PPFIBP2: variants seen among roughly 807,000 people sequenced by gnomAD.
The protein encoded by PPFIBP2 is PPFIB scaffold protein 2, also known as liprin-beta-2.
In PPFIBP2, 118 loss-of-function variants were observed where a neutral mutation model predicts 118.3. That is an observed-to-expected ratio of 1.00 (90% CI 0.86 to 1.16). The LOEUF is 1.16. Ranked by LOEUF, PPFIBP2 falls within the 50% of genes most tolerant of loss-of-function variation. The pLI, the probability that PPFIBP2 is intolerant of heterozygous loss-of-function variation, is 0.00. For missense variants in PPFIBP2, 1,195 were observed against 1,073.1 expected (o/e 1.11, Z -1.59); for synonymous variants, 414 against 397.4 (o/e 1.04, Z -0.50).
chr11:7,553,614 T>C (rs1391048664), intron 2 of PPFIBP2, among the ~76,000 whole-genome samples: 3 of 152,238 alleles, frequency 2.0e-5, no homozygotes, highest in African/African-American at 7.2e-5. Context: ...GACAAATTGC[T>C]TAATTCTTCT....
chr11:7,622,184 G>A lies in PPFIBP2; in HGVS notation c.711+1157G>A, dbSNP rs567638624. Among the ~76,000 whole-genome samples, 47 of 152,312 alleles carry A rather than the reference G, an allele frequency of 3.1e-4. 2 individuals carry two copies. In the South Asian group the frequency reaches 7.9e-3, roughly 25 times the overall value. On this transcript the variant is annotated intron_variant, in intron 7 of 23. Coordinates refer to ENST00000299492, the MANE Select transcript of PPFIBP2 (RefSeq NM_003621.5). ...AAGCCTCAGGGAGTTTTCAATCATG[G>A]CAGAAGGAAAAAGCAGGAGCAAGTG...
Position 7,616,247 on chromosome 11 carries a change from T to C in PPFIBP2, c.619-4688T>C, listed in dbSNP as rs924732577. ...AGATACAAAAAATTTAGGACAATAG[T>C]CCCCCAAAGTGCTTGCTATAAGTTA... is the stretch of plus-strand genomic sequence containing the variant. On this transcript the variant is annotated intron_variant, in intron 6 of 23. Coordinates refer to ENST00000299492, the MANE Select transcript of PPFIBP2 (RefSeq NM_003621.5). This position sits in a 1 kb window ranked among gnomAD's most constrained non-coding sequence, Gnocchi z 5.2. 2.6e-5 allele frequency among the ~76,000 whole-genome samples: 4 copies of C among 152,048 alleles called. No individual in the cohort carries two copies. The highest frequency in any genetic ancestry group is 7.2e-5 in the African/African-American group (3 of 41,474).
At chr11:7,620,809 G>C in intron 6 of PPFIBP2, 126 bp from the exon 7 acceptor site, 3 of 709,328 alleles carry the variant, frequency 4.2e-6, no homozygotes, top group Non-Finnish European at 7.6e-6. Context: ...CGTGTTTAAA[G>C]ATTAAAGCTG....
intron 3 of PPFIBP2, among the ~76,000 whole-genome samples, chr11:7,588,185 G>A (rs967434381): frequency 9.2e-5 from 14 of 152,154 alleles, no homozygotes; most frequent in African/African-American, 3.4e-4. Flanking sequence ...GTGACCAAGG[G>A]GAGGGATGGG....
intron 6 of PPFIBP2, among the ~76,000 whole-genome samples, chr11:7,620,480 A>G (rs1384574999): frequency 6.6e-6 from 1 of 152,148 alleles, no homozygotes; most frequent in African/African-American, 2.4e-5. Context: ...GAGGCCTTTC[A>G]GGATCACAGG....
At chr11:7,560,360 T>C (rs1367053425) in intron 2 of PPFIBP2, among the ~76,000 whole-genome samples, 1 of 152,240 alleles carries the variant, frequency 6.6e-6, no homozygotes, top group African/African-American at 2.4e-5. Context: ...CAAATTGTTA[T>C]AAAAGTAATG....
At chr11:7,584,283 A>G (rs1025310693) in intron 3 of PPFIBP2, among the ~76,000 whole-genome samples, 3 of 152,190 alleles carry the variant, frequency 2.0e-5, no homozygotes, top group African/African-American at 7.2e-5. Context: ...TTTGCTGTTT[A>G]TGAACTCTGC....
intron 2 of PPFIBP2, among the ~76,000 whole-genome samples, chr11:7,564,990 C>T (rs899537850): frequency 6.6e-6 from 1 of 151,296 alleles, no homozygotes; most frequent in Non-Finnish European, 1.5e-5. Context: ...TCTCTGGTGG[C>T]CAACTGTGTA....
rs139187268 is a variant in PPFIBP2 at position 7,565,772 on chromosome 11, G to A, written c.279+5G>A. 125 of 1,613,802 alleles carry A rather than the reference G, an allele frequency of 7.7e-5. No individual in the cohort carries two copies. The East Asian group carries it at 2.6e-3, about 33-fold the overall frequency. On this transcript the variant is annotated splice_donor_5th_base_variant and intron_variant, in intron 3 of 23. Coordinates refer to ENST00000299492, the MANE Select transcript of PPFIBP2 (RefSeq NM_003621.5). The stretch of plus-strand genomic sequence containing the variant: ...GAATGGTTTGAAGAGAGCTTGGTGA[G>A]TAGTCCCGTGGCCTGATTGGGAACC...
chr11:7,631,151 A>G (rs1030563544), intron 11 of PPFIBP2, 123 bp downstream of exon 11: 4 of 742,082 alleles, frequency 5.4e-6, no homozygotes, highest in Non-Finnish European at 7.0e-6. Flanking sequence ...ACTTAAATTA[A>G]TATAGTGCCC....
intron 3 of PPFIBP2, among the ~76,000 whole-genome samples, chr11:7,589,026 A>T (rs371599023): frequency 1.3e-5 from 2 of 152,348 alleles, no homozygotes; most frequent in African/African-American, 4.8e-5. Flanking sequence ...GACCATTTGA[A>T]TGAATGGTCT....
intron 4 of PPFIBP2, among the ~76,000 whole-genome samples, chr11:7,596,069 C>G (rs1223688928): frequency 1.3e-5 from 2 of 152,142 alleles, no homozygotes; most frequent in African/African-American, 2.4e-5. Flanking sequence ...CGTTGAGGTT[C>G]AGAAAGCCCC....
intron 1 of PPFIBP2, among the ~76,000 whole-genome samples, chr11:7,542,952 G>T (rs966359600): frequency 6.6e-6 from 1 of 152,194 alleles, no homozygotes; most frequent in African/African-American, 2.4e-5. Flanking sequence ...GACAATTGAG[G>T]CTAAAAGAGG....
intron 3 of PPFIBP2, among the ~76,000 whole-genome samples, chr11:7,591,622 C>G (rs1859324190): frequency 6.6e-6 from 1 of 152,054 alleles, no homozygotes. Flanking sequence ...GGTTCTTTGT[C>G]TGTGGCATGA....
chr11:7,538,754 G>T (rs1851471731), intron 1 of PPFIBP2, among the ~76,000 whole-genome samples: 1 of 152,184 alleles, frequency 6.6e-6, no homozygotes, highest in Admixed American at 6.5e-5. Context: ...CACTAACCTG[G>T]TATAGCGGGA....
chr11:7,549,346 T>G, intron 1 of PPFIBP2, 94 bp from the exon 2 acceptor site: 1 of 1,097,956 alleles, frequency 9.1e-7, no homozygotes, highest in African/African-American at 1.6e-5. Context: ...TGAAAACACG[T>G]TGTGTGATGA....
intron 7 of PPFIBP2, among the ~76,000 whole-genome samples, chr11:7,624,062 C>T (rs1849667646): frequency 1.3e-5 from 2 of 152,176 alleles, no homozygotes; most frequent in South Asian, 4.1e-4. Context: ...CCCTTGTCAT[C>T]TCTTTATATG....
In PPFIBP2 at chr11:7,549,500, C is replaced by T; in HGVS notation, c.25C>T (p.Leu9=). 1 of 1,563,396 alleles carries T rather than the reference C, an allele frequency of 6.4e-7. No homozygotes were observed. Among genetic ancestry groups the T allele is most frequent in the Non-Finnish European group, 8.7e-7 (1 of 1,153,624 alleles). MASDASHA[L]EAALEQMDGI... is the part of the protein sequence containing the mutation. ...CATGGCTTCTGATGCTAGTCATGCG[C>T]TGGAAGCTGCCCTGGAGCAAATGGA... Residue 9 remains leucine, a synonymous_variant, in exon 2 of 24, where the codon CTG becomes TTG. Transcript: ENST00000299492.
At chr11:7,587,776 A>G (rs995890427) in intron 3 of PPFIBP2, among the ~76,000 whole-genome samples, 5 of 152,248 alleles carry the variant, frequency 3.3e-5, no homozygotes, top group African/African-American at 1.2e-4. Context: ...GAAGGATTTC[A>G]ACAAGTCAAG....
Sources: allele counts gnomAD v4.1 joint callset (sites outside exome capture counted in the v4.1 genomes callset), GRCh38; gene constraint gnomAD v4.1.1; non-coding constraint Gnocchi (gnomAD v3.1); transcripts MANE v1.5; gene names NCBI Gene and HGNC (gene_info 2026-07-23, HGNC 2026-07-21).